Variants in AKAP10 observed in about 807,000 individuals in gnomAD.
AKAP10 encodes the protein A-kinase anchor protein 10, mitochondrial.
AKAP10 carries 24 observed loss-of-function variants against 80.8 expected under a neutral mutation model. The ratio of observed to expected loss-of-function variants is 0.30; its 90% CI spans 0.22 to 0.42. AKAP10 has a LOEUF of 0.42. AKAP10 is among the 10% of genes least tolerant of loss of function. AKAP10 has a pLI of 1.00. For synonymous variants in AKAP10, 291 were observed against 277.7 expected (o/e 1.05, Z -0.48); for missense variants, 661 against 794.9 (o/e 0.83, Z 2.03).
chr17:19,950,920 C>T (rs1158987821), intron 4 of AKAP10, among the ~76,000 whole-genome samples: 8 of 151,616 alleles, frequency 5.3e-5, no homozygotes, highest in Non-Finnish European at 1.0e-4. Context: ...TCTGCCCCGC[C>T]GCCCCGTCTG....
At chr17:19,972,908 C>T (rs2043517391) in intron 1 of AKAP10, among the ~76,000 whole-genome samples, 1 of 152,096 alleles carries the variant, frequency 6.6e-6, no homozygotes, top group African/African-American at 2.4e-5. Context: ...TTTAACATTC[C>T]AGGCTCTTAT....
chr17:19,973,165 A>G lies in AKAP10; in HGVS notation c.88+4427T>C, dbSNP rs570791084. On this transcript the variant is annotated intron_variant, in intron 1 of 14. Transcript: ENST00000225737. The stretch of plus-strand genomic sequence containing the variant: ...CAGCTATTTTTTGTATTTTTAGTAG[A>G]GACAGGGTTTCACCATGTTGGCCAG... 2.0e-5 allele frequency among the ~76,000 whole-genome samples: 3 copies of G among 152,222 alleles called. No homozygotes were observed. The East Asian group carries it at 5.8e-4, about 29-fold the overall frequency.
At chr17:19,958,785 ATT>A (rs2043312979) in intron 3 of AKAP10, among the ~76,000 whole-genome samples, 1 of 144,150 alleles carries the variant, frequency 6.9e-6, no homozygotes, top group Non-Finnish European at 1.5e-5. Context: ...TTAAAAAGTT[ATT>A]TGTTACTCAA....
At chr17:19,940,310 A>G (rs1307348628) in intron 7 of AKAP10, among the ~76,000 whole-genome samples, 1 of 152,250 alleles carries the variant, frequency 6.6e-6, no homozygotes, top group East Asian at 1.9e-4. Context: ...GTAAAGAGGC[A>G]GAATCGAGTG....
intron 9 of AKAP10, 99 bp downstream of exon 9, chr17:19,936,187 T>C: frequency 1.5e-6 from 2 of 1,368,082 alleles, no homozygotes; most frequent in Non-Finnish European, 2.0e-6. Context: ...ACTGCTTCAA[T>C]TTCCACTGTG....
chr17:19,947,351 C>A, intron 5 of AKAP10, 56 bp downstream of exon 5: 1 of 1,332,088 alleles, frequency 7.5e-7, no homozygotes, highest in South Asian at 1.2e-5. Context: ...CGAAAATTGT[C>A]AGTTCTGTGC....
At chr17:19,955,159 T>G (rs1018310790) in intron 4 of AKAP10, among the ~76,000 whole-genome samples, 2 of 151,504 alleles carry the variant, frequency 1.3e-5, no homozygotes, top group South Asian at 2.1e-4. Context: ...GAGGCGGAGG[T>G]TGCAGTGAGC....
At position 19,905,265 on chromosome 17, in the gene AKAP10, A is replaced by G. The variant is rs1227224375; in HGVS notation, c.*962T>C. 3 of 152,014 alleles carry G rather than the reference A, an allele frequency of 2.0e-5. No individual in the cohort carries two copies. The highest frequency in any genetic ancestry group is 2.1e-4 in the South Asian group (1 of 4,810). 9.4% of individuals were successfully genotyped at this position (152,014 alleles called of 1,614,324 possible). Reference sequence around the variant, plus strand: ...GGAGAAGAAAGACGACCAACTGCACACTTTCCAGCTCACAGCAAAGAATGG... The same window carrying G: ...GGAGAAGAAAGACGACCAACTGCACGCTTTCCAGCTCACAGCAAAGAATGG... On this transcript the variant is annotated 3_prime_UTR_variant, in exon 15 of 15. Transcript: ENST00000225737.
chr17:19,911,868 A>AAAAAAAAAAC (rs2042694416), intron 12 of AKAP10, among the ~76,000 whole-genome samples: 1 of 121,760 alleles, frequency 8.2e-6, no homozygotes, highest in Non-Finnish European at 1.8e-5. Flanking sequence ...AAAAAAAAAA[A>AAAAAAAAAAC]AGAAATCTCT....
intron 9 of AKAP10, among the ~76,000 whole-genome samples, chr17:19,935,683 C>A (rs995773720): frequency 6.6e-6 from 1 of 151,846 alleles, no homozygotes; most frequent in Admixed American, 6.6e-5. Context: ...TAAGCCTACA[C>A]AGGGTCAGGA....
chr17:19,936,560 G>T, intron 8 of AKAP10, 130 bp from the exon 9 acceptor site: 1 of 855,970 alleles, frequency 1.2e-6, no homozygotes, highest in Non-Finnish European at 1.7e-6. Flanking sequence ...ATAGAGCTAT[G>T]TGATGACAGT....
intron 4 of AKAP10, 107 bp downstream of exon 4, chr17:19,957,907 A>AG: frequency 8.2e-7 from 1 of 1,221,802 alleles, no homozygotes; most frequent in Non-Finnish European, 1.1e-6. Context: ...TAGTTAGAGG[A>AG]GAAAAAAAAT....
chr17:19,943,243 T>C (rs2043068311), intron 5 of AKAP10, among the ~76,000 whole-genome samples: 1 of 152,158 alleles, frequency 6.6e-6, no homozygotes, highest in African/African-American at 2.4e-5. Flanking sequence ...TCTGGATTCT[T>C]TTGAAGGCTA....
At chr17:19,908,068 T>C (rs561270505) in intron 14 of AKAP10, among the ~76,000 whole-genome samples, 2 of 151,804 alleles carry the variant, frequency 1.3e-5, no homozygotes, top group South Asian at 4.2e-4. Flanking sequence ...TTGCACCATG[T>C]TAGCCAGGCT....
chr17:19,946,802 G>A (rs1188209821), intron 5 of AKAP10, among the ~76,000 whole-genome samples: 1 of 151,962 alleles, frequency 6.6e-6, no homozygotes, highest in East Asian at 1.9e-4. Context: ...ACTGTGTGTG[G>A]CACAATCAAC....
chr17:19,921,981 G>A (rs896494965), intron 11 of AKAP10, among the ~76,000 whole-genome samples: 1 of 152,198 alleles, frequency 6.6e-6, no homozygotes, highest in East Asian at 1.9e-4. Flanking sequence ...AGAATGGAGC[G>A]TAATATCAAT....
At chr17:19,952,836 T>C (rs2043230369) in intron 4 of AKAP10, among the ~76,000 whole-genome samples, 1 of 152,100 alleles carries the variant, frequency 6.6e-6, no homozygotes, top group African/African-American at 2.4e-5. Context: ...AGTTGGAAAG[T>C]TCAACACTCT....
intron 4 of AKAP10, among the ~76,000 whole-genome samples, chr17:19,954,248 T>C (rs1018298121): frequency 6.6e-6 from 1 of 152,056 alleles, no homozygotes; most frequent in Non-Finnish European, 1.5e-5. Context: ...AACAAAGGAA[T>C]AGACACACAC....
At chr17:19,946,222 T>TTATATATATATATATATTTTATA (rs1170911920) in intron 5 of AKAP10, among the ~76,000 whole-genome samples, 8 of 33,958 alleles carry the variant, frequency 2.4e-4, no homozygotes, top group African/African-American at 8.2e-4. Flanking sequence ...TATATATATT[T>TTATATATATATATATATTTTATA]TATATATATA....
Sources: allele counts gnomAD v4.1 joint callset (sites outside exome capture counted in the v4.1 genomes callset), GRCh38; gene constraint gnomAD v4.1.1; transcripts MANE v1.5; gene names NCBI Gene and HGNC (gene_info 2026-07-23, HGNC 2026-07-21).